SMC1B: variants seen among roughly 807,000 people sequenced by gnomAD.
The protein encoded by SMC1B is structural maintenance of chromosomes protein 1B.
A neutral mutation model predicts 157.9 loss-of-function variants in SMC1B; 60 were observed. The ratio of observed to expected loss-of-function variants is 0.38; its 90% CI spans 0.31 to 0.47. The LOEUF is 0.47. Among genes scored for constraint, SMC1B ranks in the 20% least tolerant of loss-of-function variants. The pLI is 0.99. For missense variants in SMC1B, 1,165 were observed against 1,426.2 expected, an observed-to-expected ratio of 0.82 and a Z score of 2.95; for synonymous variants, 445 against 483.0, an observed-to-expected ratio of 0.92 and a Z score of 1.03.
At chr22:45,348,232 G>C (rs555455525) in intron 23 of SMC1B, among the ~76,000 whole-genome samples, 20 of 152,228 alleles carry the variant, frequency 1.3e-4, no homozygotes, top group Non-Finnish European at 2.2e-4. Flanking sequence ...CTCAAGTACA[G>C]TAAATTATTG....
At position 45,352,592 on chromosome 22, in the gene SMC1B, C is replaced by G. The variant is rs1300784573; in HGVS notation, c.3284G>C (p.Ser1095Thr). ...CRNNSAQAFL[S>T]PENPEEPYLE... ...GTAAGGTTCTTCAGGGTTCTCTGGG[C>G]TAAGAAATGCCTGAAACGCATGTTA... Residue 1095 changes from serine (S) to threonine (T), a missense_variant, in exon 22 of 25, where the codon AGC (serine) becomes ACC (threonine). Physicochemically the swap from Ser to Thr is moderately conservative, Grantham distance 58 (BLOSUM62 1). Coordinates refer to ENST00000357450, the MANE Select transcript of SMC1B (RefSeq NM_148674.5). The G allele has an allele frequency of 6.2e-7, 1 of 1,605,056 alleles. No homozygotes were observed. Among genetic ancestry groups the G allele is most frequent in the East Asian group, 2.2e-5 (1 of 44,796 alleles).
Position 45,389,765 on chromosome 22 carries a change from G to A in SMC1B, c.1678C>T (p.Leu560=), listed in dbSNP as rs778189864. 2 of 1,614,090 alleles carry A rather than the reference G, an allele frequency of 1.2e-6. No homozygotes were observed. Among genetic ancestry groups the A allele is most frequent in the Non-Finnish European group, 1.7e-6 (2 of 1,179,998 alleles). ...TCAGGTTCAGCTCTTTCCTCCTTCA[G>A]AAATCGAATACAATCTTTTGCTACC... ...EKVAKDCIRF[L]KEERAEPETF... Residue 560 remains leucine, a synonymous_variant, in exon 10 of 25, where the codon CTG becomes TTG. Transcript: ENST00000357450.
chr22:45,405,639 T>G (rs944011285), intron 4 of SMC1B, among the ~76,000 whole-genome samples: 1 of 152,254 alleles, frequency 6.6e-6, no homozygotes. Context: ...TCACTTTAAC[T>G]ACAACTGAAG....
At chr22:45,412,498 C>CTTTT (rs56894434) in intron 1 of SMC1B, among the ~76,000 whole-genome samples, 1 of 65,414 alleles carries the variant, frequency 1.5e-5, no homozygotes, top group Non-Finnish European at 2.7e-5. Context: ...CGCGCCCAGC[C>CTTTT]TTTTTTTTTT....
intron 16 of SMC1B, 81 bp from the exon 17 acceptor site, chr22:45,362,065 A>T: frequency 7.2e-7 from 1 of 1,388,588 alleles, no homozygotes; most frequent in Non-Finnish European, 9.8e-7. Flanking sequence ...AATAACACCA[A>T]ACCAGTTATC....
At chr22:45,350,802 G>A (rs1220504552) in intron 22 of SMC1B, among the ~76,000 whole-genome samples, 1 of 151,974 alleles carries the variant, frequency 6.6e-6, no homozygotes, top group Non-Finnish European at 1.5e-5. Context: ...CTTCACACCC[G>A]TACCTGTCAG....
intron 16 of SMC1B, 48 bp downstream of exon 16, chr22:45,362,837 A>C (rs1360049136): frequency 6.7e-7 from 1 of 1,498,336 alleles, no homozygotes; most frequent in African/African-American, 1.4e-5. Flanking sequence ...ACATGAAGGA[A>C]GTCATAATTT....
chr22:45,384,076 G>A (rs951884618), intron 11 of SMC1B, among the ~76,000 whole-genome samples: 1 of 152,120 alleles, frequency 6.6e-6, no homozygotes, highest in Non-Finnish European at 1.5e-5. Flanking sequence ...ACATTTTGAT[G>A]TTGGTCAATC....
chr22:45,400,670 G>A (rs2087181920), intron 5 of SMC1B, among the ~76,000 whole-genome samples: 1 of 152,080 alleles, frequency 6.6e-6, no homozygotes, highest in Admixed American at 6.6e-5. Context: ...ATTATAGTAT[G>A]AAAAGGGAGA....
At chr22:45,369,589 C>G (rs2086810674) in intron 15 of SMC1B, among the ~76,000 whole-genome samples, 1 of 138,034 alleles carries the variant, frequency 7.2e-6, no homozygotes, top group African/African-American at 2.8e-5. Flanking sequence ...ATCGTCCAGG[C>G]TGGAGTGCAG....
intron 6 of SMC1B, among the ~76,000 whole-genome samples, 178 bp from the exon 7 acceptor site, chr22:45,396,664 T>TA (rs2087128101): frequency 6.6e-6 from 1 of 151,924 alleles, no homozygotes; most frequent in South Asian, 2.1e-4. Context: ...AAGCTTCCTT[T>TA]AAAAAAACTG....
At chr22:45,381,322 C>A (rs1024781354) in intron 12 of SMC1B, among the ~76,000 whole-genome samples, 3 of 152,048 alleles carry the variant, frequency 2.0e-5, no homozygotes, top group Non-Finnish European at 4.4e-5. Flanking sequence ...ATTTTCTATA[C>A]CTGAGGGTCA....
At chr22:45,412,542 G>T (rs1461403129) in intron 1 of SMC1B, among the ~76,000 whole-genome samples, 3 of 104,992 alleles carry the variant, frequency 2.9e-5, no homozygotes, top group Non-Finnish European at 5.5e-5. Context: ...GAGTCGCACT[G>T]TGTTGCCAGG....
chr22:45,379,723 CT>C (rs136583), intron 12 of SMC1B, among the ~76,000 whole-genome samples: 73 of 91,480 alleles, frequency 8.0e-4, no homozygotes, highest in Admixed American at 3.9e-3. Flanking sequence ...TTTCTTTTTA[CT>C]TTTTTTTTTT....
intron 1 of SMC1B, among the ~76,000 whole-genome samples, chr22:45,411,042 CAATCCTTATTTA>C (rs1268745030): frequency 1.3e-5 from 2 of 152,160 alleles, no homozygotes; most frequent in Non-Finnish European, 2.9e-5. Context: ...ATCAATAAGT[CAATCCTTATTTA>C]AATCTGCCTA....
At chr22:45,368,151 T>C (rs1314999168) in intron 15 of SMC1B, among the ~76,000 whole-genome samples, 2 of 152,222 alleles carry the variant, frequency 1.3e-5, no homozygotes, top group Non-Finnish European at 2.9e-5. Flanking sequence ...TATTTTTTCA[T>C]ATCATAGGTA....
At position 45,352,551 on chromosome 22, in the gene SMC1B, A is replaced by G. The variant is rs756520624; in HGVS notation, c.3325T>C (p.Tyr1109His). 9 of 1,613,822 alleles carry G rather than the reference A, an allele frequency of 5.6e-6. No individual in the cohort carries two copies. Among genetic ancestry groups the G allele is most frequent in the Admixed American group, 1.7e-5 (1 of 59,996 alleles). ...CGTTTGCCTGGGGCCACACAGTTAT[A>G]GCTAATTCCCTCCAAGTAAGGTTCT... The part of the protein sequence containing the change: ...PEEPYLEGIS[Y>H]NCVAPGKRFM... Residue 1109 changes from tyrosine to histidine, a missense_variant, in exon 22 of 25, where the codon TAT (tyrosine) becomes CAT (histidine). Coordinates refer to ENST00000357450, the MANE Select transcript of SMC1B (RefSeq NM_148674.5).
chr22:45,382,881 C>A (rs982766975), intron 12 of SMC1B, among the ~76,000 whole-genome samples: 12 of 152,146 alleles, frequency 7.9e-5, no homozygotes, highest in Non-Finnish European at 5.9e-5. Flanking sequence ...CAACTGTAAT[C>A]CCAGCACTTT....
At chr22:45,363,931 C>A (rs970859667) in intron 15 of SMC1B, among the ~76,000 whole-genome samples, 7 of 151,922 alleles carry the variant, frequency 4.6e-5, no homozygotes, top group Admixed American at 2.6e-4. Flanking sequence ...TCACTGCAAC[C>A]TCCGCCCCCT....
Sources: allele counts gnomAD v4.1 joint callset (sites outside exome capture counted in the v4.1 genomes callset), GRCh38; gene constraint gnomAD v4.1.1; transcripts MANE v1.5; gene names NCBI Gene and HGNC (gene_info 2026-07-23, HGNC 2026-07-21).